The following RPH3AL variants were observed in gnomAD, a reference collection of about 807,000 sequenced individuals.
RPH3AL encodes the protein rab effector Noc2.
RPH3AL carries 38 observed loss-of-function variants against 43.1 expected under a neutral mutation model. The observed-to-expected ratio is 0.88, with a 90% CI of 0.68 to 1.15. The LOEUF (loss-of-function observed/expected upper bound fraction) is 1.15. Ranked by LOEUF, RPH3AL falls within the 50% of genes most tolerant of loss-of-function variation. The probability of loss-of-function intolerance (pLI) is 0.00; values close to 1 mark genes in which losing one functional copy is unlikely to be tolerated. For missense variants in RPH3AL, 462 were observed against 423.2 expected (o/e 1.09, Z -0.81); for synonymous variants, 189 against 176.3 (o/e 1.07, Z -0.57).
chr17:325,549 C>T (rs868546180), intron 3 of RPH3AL, among the ~76,000 whole-genome samples: 1 of 152,180 alleles, frequency 6.6e-6, no homozygotes, highest in Non-Finnish European at 1.5e-5. Flanking sequence ...AACATTGGCC[C>T]ATCTTCTGGG....
chr17:331,412 G>C (rs2044759393), intron 2 of RPH3AL: 3 of 419,784 alleles, frequency 7.1e-6, no homozygotes, highest in South Asian at 2.1e-5. Flanking sequence ...ACGTTCACAG[G>C]GGTGGCCCTG....
At chr17:291,122 C>G (rs964182020) in intron 5 of RPH3AL, among the ~76,000 whole-genome samples, 2 of 152,184 alleles carry the variant, frequency 1.3e-5, no homozygotes, top group African/African-American at 4.8e-5. Flanking sequence ...ACGTGTGGAG[C>G]TTCAATTCAC....
At chr17:316,327 T>C (rs376497757) in intron 5 of RPH3AL, among the ~76,000 whole-genome samples, 13 of 112,454 alleles carry the variant, frequency 1.2e-4, no homozygotes, top group South Asian at 3.4e-4. Flanking sequence ...GTCCCTGTGC[T>C]CCACCTCCAC....
rs1555519736 is a variant in RPH3AL, at chr17:315,565, C to A, written c.351+3855G>T. ...CTCCATTGACCTGTAGTCCCTGTGC[C>A]CCACCTCCATTGACCTGTAGTCCCT... On this transcript the variant is annotated intron_variant, in intron 5 of 9. Transcript: ENST00000331302. 3.2e-4 allele frequency among the ~76,000 whole-genome samples: 17 copies of A among 53,722 alleles called. No homozygotes were observed. In the South Asian group the frequency reaches 0.012, roughly 37 times the overall value. 35.2% of individuals were successfully genotyped at this position (53,722 alleles called of 152,430 possible).
chr17:330,685 G>C (rs1361381693), intron 2 of RPH3AL, among the ~76,000 whole-genome samples: 2 of 152,082 alleles, frequency 1.3e-5, no homozygotes, highest in East Asian at 3.9e-4. Flanking sequence ...AGACCAGCCT[G>C]GGCAACATGG....
Position 246,143 on chromosome 17 carries a change from G to A in RPH3AL, c.613+968C>T, listed in dbSNP as rs2041759084. Among the ~76,000 whole-genome samples, 1 of 152,158 alleles carries A rather than the reference G, an allele frequency of 6.6e-6. No individual in the cohort carries two copies. Among genetic ancestry groups the A allele is most frequent in the African/African-American group, 2.4e-5 (1 of 41,438 alleles). The stretch of plus-strand genomic sequence containing the variant: ...CTTTTGTAACAAGAAAAAACAGCCC[G>A]AATGACATAAAGATGGTCAGATGTC... On this transcript the variant is annotated intron_variant, in intron 7 of 9. Transcript: ENST00000331302. The surrounding 1 kb of genome is among the most constrained non-coding windows in gnomAD (Gnocchi z 4.8).
At chr17:251,903 G>A (rs1474781660) in intron 6 of RPH3AL, among the ~76,000 whole-genome samples, 2 of 152,070 alleles carry the variant, frequency 1.3e-5, no homozygotes, top group Non-Finnish European at 2.9e-5. Flanking sequence ...GAACGGCGGG[G>A]CCCGTGCAGG....
At chr17:258,175 T>C (rs2042107732) in intron 6 of RPH3AL, among the ~76,000 whole-genome samples, 1 of 152,194 alleles carries the variant, frequency 6.6e-6, no homozygotes, top group Non-Finnish European at 1.5e-5. Flanking sequence ...TTCCCCCTTT[T>C]CGCTGGTCCT....
In RPH3AL at chr17:219,754, C is replaced by T. The variant is rs1052810661; in HGVS notation, c.614-18G>A. On this transcript the variant is annotated intron_variant, in intron 7 of 9. Transcript: ENST00000331302. ...GGAAACCACTGGAAGAGACAGACCACAGCACAGGAGGTCACCCGACCAGCC... is the reference window on the plus strand; with the variant it reads ...GGAAACCACTGGAAGAGACAGACCATAGCACAGGAGGTCACCCGACCAGCC... The T allele has an allele frequency of 1.1e-5, 17 of 1,594,234 alleles. No individual in the cohort carries two copies. Among genetic ancestry groups the T allele is most frequent in the Non-Finnish European group, 1.5e-5 (17 of 1,162,494 alleles).
chr17:218,599 C>T lies in RPH3AL; in HGVS notation c.727+1024G>A, dbSNP rs529653501. Among the ~76,000 whole-genome samples, 5 of 152,256 alleles carry T rather than the reference C, an allele frequency of 3.3e-5. No homozygotes were observed. In the South Asian group the frequency reaches 1.0e-3, roughly 32 times the overall value. On this transcript the variant is annotated intron_variant, in intron 8 of 9. Coordinates refer to ENST00000331302, the MANE Select transcript of RPH3AL (RefSeq NM_006987.4). The stretch of plus-strand genomic sequence containing the variant: ...TCCCAGTTCCGACCTGTGGAGTGAC[C>T]GAATGAAGCTGGCCCTTTTCCCAGA...
intron 5 of RPH3AL, among the ~76,000 whole-genome samples, chr17:319,179 C>T (rs759164719): frequency 1.4e-4 from 22 of 152,172 alleles, no homozygotes; most frequent in Non-Finnish European, 2.9e-4. Flanking sequence ...CTCTGGGTCT[C>T]GTGGCTCGGG....
intron 7 of RPH3AL, among the ~76,000 whole-genome samples, chr17:239,676 G>C (rs1346821430): frequency 6.6e-6 from 1 of 152,088 alleles, no homozygotes; most frequent in East Asian, 1.9e-4. Flanking sequence ...ACCCAGGCTG[G>C]AGTGCAGTGG....
chr17:316,867 C>T (rs1227124321), intron 5 of RPH3AL, among the ~76,000 whole-genome samples: 1 of 150,592 alleles, frequency 6.6e-6, no homozygotes, highest in Non-Finnish European at 1.5e-5. Flanking sequence ...TGTGTAGTCC[C>T]TGTGCTCCAC....
intron 6 of RPH3AL, among the ~76,000 whole-genome samples, chr17:279,136 A>G (rs1256875704): frequency 6.6e-6 from 1 of 152,194 alleles, no homozygotes; most frequent in Non-Finnish European, 1.5e-5. Context: ...GACATTTTAA[A>G]CGGCCTTTCT....
intron 5 of RPH3AL, among the ~76,000 whole-genome samples, chr17:302,940 C>T (rs1468552643): frequency 6.6e-6 from 1 of 152,150 alleles, no homozygotes; most frequent in Non-Finnish European, 1.5e-5. Flanking sequence ...GGGGCGGGAG[C>T]TTCGCATTTC....
chr17:240,990 G>C (rs1480900548), intron 7 of RPH3AL, among the ~76,000 whole-genome samples: 1 of 151,880 alleles, frequency 6.6e-6, no homozygotes, highest in Non-Finnish European at 1.5e-5. Context: ...CCAGGAGGCA[G>C]AGGTTGCAGT....
At chr17:291,937 G>A (rs1363054744) in intron 5 of RPH3AL, among the ~76,000 whole-genome samples, 1 of 152,224 alleles carries the variant, frequency 6.6e-6, no homozygotes, top group Non-Finnish European at 1.5e-5. Flanking sequence ...ACTGTGCAAA[G>A]TCAAAATCTA....
At chr17:285,164 C>G (rs2042876665) in intron 5 of RPH3AL, among the ~76,000 whole-genome samples, 1 of 152,162 alleles carries the variant, frequency 6.6e-6, no homozygotes, top group Admixed American at 6.6e-5. Context: ...ATCGTCGTGT[C>G]TCTCAGCCCT....
intron 6 of RPH3AL, among the ~76,000 whole-genome samples, chr17:263,296 C>T (rs1434053919): frequency 2.0e-5 from 3 of 152,038 alleles, no homozygotes; most frequent in East Asian, 1.9e-4. Flanking sequence ...ATCAAAGAGC[C>T]GAAAGTAATA....
Sources: allele counts gnomAD v4.1 joint callset (sites outside exome capture counted in the v4.1 genomes callset), GRCh38; gene constraint gnomAD v4.1.1; non-coding constraint Gnocchi (gnomAD v3.1); transcripts MANE v1.5; gene names NCBI Gene and HGNC (gene_info 2026-07-23, HGNC 2026-07-21).